Variants in IQGAP2 observed in about 807,000 individuals in gnomAD.
The protein encoded by IQGAP2 is ras GTPase-activating-like protein IQGAP2.
A neutral mutation model predicts 201.3 loss-of-function variants in IQGAP2; 173 were observed. That is an observed-to-expected ratio of 0.86 (90% CI 0.76 to 0.98). IQGAP2 has a LOEUF of 0.98. Among genes scored for constraint, IQGAP2 ranks in the 50% least tolerant of loss-of-function variants. The probability of loss-of-function intolerance (pLI) is 0.00; values close to 1 mark genes in which losing one functional copy is unlikely to be tolerated. For synonymous variants in IQGAP2, 675 were observed against 673.9 expected, an observed-to-expected ratio of 1.00 and a Z score of -0.03; for missense variants, 1,687 against 1,864.8, an observed-to-expected ratio of 0.90 and a Z score of 1.76.
intron 2 of IQGAP2, among the ~76,000 whole-genome samples, chr5:76,479,172 G>T (rs576064214): frequency 1.3e-5 from 2 of 152,178 alleles, no homozygotes; most frequent in South Asian, 4.1e-4. Flanking sequence ...ATGCTTTATG[G>T]TAGCTTTCTC....
Position 76,627,466 on chromosome 5 carries a change from T to C in IQGAP2, c.1578T>C (p.Asp526=). ...TGGATGAGATACAGCAAGCCGTCGATGATGCCAACGTGGACAAGGACAGAG... is the reference window on the plus strand; with the variant it reads ...TGGATGAGATACAGCAAGCCGTCGACGATGCCAACGTGGACAAGGACAGAG... ...LWLDEIQQAV[D]DANVDKDRAK... is the part of the protein sequence containing the mutation. The change falls in exon 14 of 36, where the codon GAT becomes GAC. Residue 526 remains aspartate, a synonymous_variant. Transcript: ENST00000274364. The C allele has an allele frequency of 1.9e-6, 3 of 1,600,280 alleles. No homozygotes were observed. Among genetic ancestry groups the C allele is most frequent in the Non-Finnish European group, 2.6e-6 (3 of 1,167,466 alleles).
In IQGAP2 at chr5:76,671,834, A is replaced by C. The variant is rs1022204712; in HGVS notation, c.2919A>C (p.Arg973Ser). ...TVIKMVVSFN[R>S]GARGQNTLRQ... ...TCAAGATGGTCGTCAGCTTCAATAG[A>C]GGTGCCCGGGGACAGAACACCCTGC... Residue 973 changes from arginine (R) to serine (S), a missense_variant, in exon 24 of 36, where the codon AGA becomes AGC. Arg to Ser is a moderately radical substitution (Grantham distance 110). Transcript: ENST00000274364. 6.2e-6 allele frequency: 10 copies of C among 1,613,998 alleles called. No individual in the cohort carries two copies. In the Admixed American group the frequency reaches 1.3e-4, roughly 22 times the overall value.
chr5:76,504,697 G>A (rs867665887), intron 2 of IQGAP2, among the ~76,000 whole-genome samples: 11 of 151,962 alleles, frequency 7.2e-5, no homozygotes, highest in African/African-American at 1.9e-4. Context: ...GCCTTCCCCC[G>A]ACAACAAAAT....
chr5:76,706,277 G>A (rs779764000), intron 35 of IQGAP2, among the ~76,000 whole-genome samples: 2 of 152,142 alleles, frequency 1.3e-5, no homozygotes, highest in Non-Finnish European at 2.9e-5. Flanking sequence ...CTTCCCCAGT[G>A]AATGTCTTGC....
intron 11 of IQGAP2, among the ~76,000 whole-genome samples, chr5:76,603,256 C>T (rs1747556098): frequency 6.6e-6 from 1 of 152,132 alleles, no homozygotes; most frequent in African/African-American, 2.4e-5. Flanking sequence ...GCTTCTGAGC[C>T]CTGCCTACCA....
At chr5:76,626,797 G>A (rs1470481280) in intron 13 of IQGAP2, among the ~76,000 whole-genome samples, 1 of 152,108 alleles carries the variant, frequency 6.6e-6, no homozygotes, top group African/African-American at 2.4e-5. Flanking sequence ...GGGTAGCCCG[G>A]GAAGACTTTT....
At chr5:76,407,353 G>T (rs1383622879) in intron 1 of IQGAP2, among the ~76,000 whole-genome samples, 1 of 152,116 alleles carries the variant, frequency 6.6e-6, no homozygotes, top group Non-Finnish European at 1.5e-5. Flanking sequence ...TGGAGTTTTG[G>T]GGTGGTCAGT....
rs183528793 is a variant in IQGAP2 at position 76,681,687 on chromosome 5, C to T, written c.3661-1428C>T. Among the ~76,000 whole-genome samples the T allele has an allele frequency of 2.8e-3, 427 of 151,898 alleles. 4 individuals are homozygous for T. The Middle Eastern group carries it at 0.038, about 13-fold the overall frequency. ...ACAGAGAGGCTGGAGTATGGCGGCACGATCAATTAAAAAAAATTAAACATA... is the reference window on the plus strand; with the variant it reads ...ACAGAGAGGCTGGAGTATGGCGGCATGATCAATTAAAAAAAATTAAACATA... On this transcript the variant is annotated intron_variant, in intron 28 of 35. Coordinates refer to ENST00000274364, the MANE Select transcript of IQGAP2 (RefSeq NM_006633.5).
At chr5:76,671,018 T>G (rs898066597) in intron 23 of IQGAP2, among the ~76,000 whole-genome samples, 2 of 152,212 alleles carry the variant, frequency 1.3e-5, no homozygotes, top group Admixed American at 1.3e-4. Flanking sequence ...ATCCCAGCAC[T>G]TTGGGAGGCC....
rs779360386 is a variant in IQGAP2 at position 76,700,964 on chromosome 5, G to A, written c.4368-112G>A. Reference sequence around the variant, plus strand: ...CAAAATAAAAAAGTGTATATTCAGCGCTCTGAGGGCCAGGTATGAACAGCG... The same window carrying A: ...CAAAATAAAAAAGTGTATATTCAGCACTCTGAGGGCCAGGTATGAACAGCG... On this transcript the variant is annotated intron_variant, in intron 33 of 35. Coordinates refer to ENST00000274364, the MANE Select transcript of IQGAP2 (RefSeq NM_006633.5). 1.2e-4 allele frequency: 130 copies of A among 1,076,014 alleles called. No homozygotes were observed. The Middle Eastern group carries it at 1.3e-3, about 10-fold the overall frequency. The allele number at this position is 1,076,014 out of a possible 1,614,324, so 66.7% of individuals were successfully genotyped here.
chr5:76,581,368 C>G (rs17652304), intron 5 of IQGAP2, among the ~76,000 whole-genome samples: 5,122 of 152,284 alleles, frequency 0.034, 123 homozygotes, highest in Non-Finnish European at 0.051. Context: ...AAGACAGTTT[C>G]TTAGCTCAAA....
chr5:76,640,877 A>G (rs1358483367), intron 16 of IQGAP2, 56 bp from the exon 17 acceptor site: 16 of 1,227,112 alleles, frequency 1.3e-5, no homozygotes, highest in South Asian at 6.9e-5. Context: ...AAGCTATTCT[A>G]TGTGTGCCTT....
chr5:76,653,484 T>TA (rs1371167100), intron 18 of IQGAP2, among the ~76,000 whole-genome samples: 1 of 152,160 alleles, frequency 6.6e-6, no homozygotes, highest in Non-Finnish European at 1.5e-5. Flanking sequence ...AGGCCAGGCT[T>TA]AGTGGCTCAA....
At chr5:76,587,635 T>C (rs1746341010) in intron 5 of IQGAP2, among the ~76,000 whole-genome samples, 1 of 152,220 alleles carries the variant, frequency 6.6e-6, no homozygotes, top group African/African-American at 2.4e-5. Context: ...ATTACTTTTC[T>C]AAATAATTGC....
intron 9 of IQGAP2, among the ~76,000 whole-genome samples, chr5:76,596,057 G>A (rs1238012036): frequency 6.6e-6 from 1 of 152,158 alleles, no homozygotes; most frequent in Non-Finnish European, 1.5e-5. Flanking sequence ...TTAAGTGTGA[G>A]TTTTCTGGGG....
At chr5:76,519,569 C>T (rs1758541223) in intron 2 of IQGAP2, among the ~76,000 whole-genome samples, 1 of 152,160 alleles carries the variant, frequency 6.6e-6, no homozygotes, top group African/African-American at 2.4e-5. Flanking sequence ...AGTACTGGGT[C>T]ATATGGAAGA....
chr5:76,445,820 G>A (rs141374549), intron 1 of IQGAP2, among the ~76,000 whole-genome samples: 263 of 152,088 alleles, frequency 1.7e-3, no homozygotes, highest in Middle Eastern at 3.4e-3. Context: ...TCACATTGTC[G>A]TGCAGCCAAC....
intron 3 of IQGAP2, among the ~76,000 whole-genome samples, chr5:76,563,630 G>A (rs752549610): frequency 2.0e-4 from 31 of 152,206 alleles, no homozygotes; most frequent in Non-Finnish European, 1.0e-4. Flanking sequence ...TTTTTTAAAT[G>A]TCTGGTGTTC....
intron 1 of IQGAP2, among the ~76,000 whole-genome samples, chr5:76,456,212 AT>A (rs1754074981): frequency 6.6e-6 from 1 of 152,134 alleles, no homozygotes; most frequent in Non-Finnish European, 1.5e-5. Context: ...GTGTCTCATA[AT>A]TTTAGTGTCT....
Sources: gnomAD v4.1 joint callset for allele counts (sites outside exome capture counted in the v4.1 genomes callset) on GRCh38, gnomAD v4.1.1 for gene constraint, MANE v1.5 for transcripts, NCBI Gene and HGNC (gene_info 2026-07-23, HGNC 2026-07-21) for gene names.